SLC6A3: variants seen among roughly 807,000 people sequenced by gnomAD.
SLC6A3 encodes solute carrier family 6 member 3.
In SLC6A3, 19 loss-of-function variants were observed where a neutral mutation model predicts 70.4. The ratio of observed to expected loss-of-function variants is 0.27; its 90% CI spans 0.19 to 0.40. The LOEUF is 0.40. Ranked by LOEUF, SLC6A3 falls within the 10% of genes least tolerant of loss-of-function variation. SLC6A3 has a pLI of 1.00. For missense variants in SLC6A3, 613 were observed against 838.5 expected, an observed-to-expected ratio of 0.73 and a Z score of 3.32; for synonymous variants, 368 against 356.6, an observed-to-expected ratio of 1.03 and a Z score of -0.36.
Position 1,394,645 on chromosome 5 carries a change from C to T in SLC6A3, c.*90G>A. The stretch of plus-strand genomic sequence containing the variant: ...GTAGAGGTTGAAGAGTAGAAGTTGC[C>T]CTCCTTTCTCTCGAAACTTAGATTT... On this transcript the variant is annotated 3_prime_UTR_variant, in exon 15 of 15. Transcript: ENST00000270349. The surrounding 1 kb of genome is among the most constrained non-coding windows in gnomAD (Gnocchi z 4.7). 1 of 1,285,068 alleles carries T rather than the reference C, an allele frequency of 7.8e-7. No homozygotes were observed. Among genetic ancestry groups the T allele is most frequent in the South Asian group, 1.2e-5 (1 of 84,496 alleles). 79.6% of individuals were successfully genotyped at this position (1,285,068 alleles called of 1,614,324 possible). A position where few individuals can be genotyped will look rare whatever the true frequency, so the allele number is the denominator to read the frequency against.
rs968052188 is a variant in SLC6A3, at chr5:1,394,420, C to G, written c.*315G>C. On this transcript the variant is annotated 3_prime_UTR_variant, in exon 15 of 15. Transcript: ENST00000270349. The surrounding 1 kb of genome is among the most constrained non-coding windows in gnomAD (Gnocchi z 4.7). ...CAGCCTCAGAGCCGGGAGCAGGGAG[C>G]AGGGAGGGAGGGAGCCTCACACAGA... is the stretch of plus-strand genomic sequence containing the variant. The G allele has an allele frequency of 1.9e-6, 1 of 514,128 alleles. No homozygotes were observed. The highest frequency in any genetic ancestry group is 1.9e-5 in the African/African-American group (1 of 51,880). The allele number at this position is 514,128 out of a possible 1,614,324, so 31.8% of individuals were successfully genotyped here. A position where few individuals can be genotyped will look rare whatever the true frequency, so the allele number is the denominator to read the frequency against.
At position 1,421,161 on chromosome 5, in the gene SLC6A3, C is replaced by T. The variant is rs1017136070; in HGVS notation, c.793-458G>A. Among the ~76,000 whole-genome samples, 7 of 151,196 alleles carry T rather than the reference C, an allele frequency of 4.6e-5. No individual in the cohort carries two copies. Among genetic ancestry groups the T allele is most frequent in the African/African-American group, 7.3e-5 (3 of 41,176 alleles). On this transcript the variant is annotated intron_variant, in intron 5 of 14. Coordinates refer to ENST00000270349, the MANE Select transcript of SLC6A3 (RefSeq NM_001044.5). This position sits in a 1 kb window ranked among gnomAD's most constrained non-coding sequence, Gnocchi z 7.2. Reference sequence around the variant, plus strand: ...GTATCTTGGTCAAAACTGGTTTTGGCCCATATAACAACCAAAGTTTTTTTT... The same window carrying T: ...GTATCTTGGTCAAAACTGGTTTTGGTCCATATAACAACCAAAGTTTTTTTT...
chr5:1,422,995 C>T (rs1756487874), intron 4 of SLC6A3, among the ~76,000 whole-genome samples: 2 of 88,226 alleles, frequency 2.3e-5, no homozygotes, highest in African/African-American at 1.1e-4. Context: ...CTGCTGGGTA[C>T]CCACTGCTGC....
rs1274693370 is a variant in SLC6A3, at chr5:1,415,288, C to A, written c.1032-473G>T. Reference sequence around the variant, plus strand: ...GAGAAACCAGAGAGCTGGAGGCAAGCCGAGGACGAAGAGGGAGGGTCCTGG... The same window carrying A: ...GAGAAACCAGAGAGCTGGAGGCAAGACGAGGACGAAGAGGGAGGGTCCTGG... On this transcript the variant is annotated intron_variant, in intron 7 of 14. Coordinates refer to ENST00000270349, the MANE Select transcript of SLC6A3 (RefSeq NM_001044.5). 2.6e-5 allele frequency among the ~76,000 whole-genome samples: 4 copies of A among 152,040 alleles called. No individual in the cohort carries two copies. In the East Asian group the frequency reaches 5.8e-4, roughly 22 times the overall value.
chr5:1,445,386 C>G lies in SLC6A3; in HGVS notation c.-84G>C, dbSNP rs1023788158. ...CCTGGGCTTTGCACGCGAGTCCTGGCGCCGAGAGCGTTCCGCGAAGCCTCC... is the reference window on the plus strand; with the variant it reads ...CCTGGGCTTTGCACGCGAGTCCTGGGGCCGAGAGCGTTCCGCGAAGCCTCC... On this transcript the variant is annotated 5_prime_UTR_variant, in exon 1 of 15. Transcript: ENST00000270349. 6.3e-6 allele frequency: 1 copy of G among 157,546 alleles called. No homozygotes were observed. Among genetic ancestry groups the G allele is most frequent in the African/African-American group, 2.4e-5 (1 of 41,556 alleles). 9.8% of individuals were successfully genotyped at this position (157,546 alleles called of 1,614,324 possible).
rs980087490 is a variant in SLC6A3 at position 1,394,436 on chromosome 5, C to T, written c.*299G>A. On this transcript the variant is annotated 3_prime_UTR_variant, in exon 15 of 15. Transcript: ENST00000270349. This position sits in a 1 kb window ranked among gnomAD's most constrained non-coding sequence, Gnocchi z 4.7. Reference sequence around the variant, plus strand: ...AGCAGGGAGCAGGGAGGGAGGGAGCCTCACACAGACAGCATGAAGTTAGAC... The same window carrying T: ...AGCAGGGAGCAGGGAGGGAGGGAGCTTCACACAGACAGCATGAAGTTAGAC... 3 of 547,386 alleles carry T rather than the reference C, an allele frequency of 5.5e-6. No individual in the cohort carries two copies. Among genetic ancestry groups the T allele is most frequent in the African/African-American group, 1.9e-5 (1 of 52,636 alleles). The allele number at this position is 547,386 out of a possible 1,614,324, so 33.9% of individuals were successfully genotyped here. A position where few individuals can be genotyped will look rare whatever the true frequency, so the allele number is the denominator to read the frequency against.
intron 6 of SLC6A3, among the ~76,000 whole-genome samples, chr5:1,418,770 GCTAC>G (rs1427695822): frequency 7.0e-6 from 1 of 143,508 alleles, no homozygotes; most frequent in Non-Finnish European, 1.5e-5. Context: ...ATGCTGTCCA[GCTAC>G]CTACCTATCA....
chr5:1,406,105 T>C lies in SLC6A3; in HGVS notation c.1599+83A>G. On this transcript the variant is annotated intron_variant, in intron 12 of 14. Transcript: ENST00000270349. The surrounding 1 kb of genome is among the most constrained non-coding windows in gnomAD (Gnocchi z 8.8). ...ACTCCAGCCACAGTGACAACCCACA[T>C]GCGGGCGCTGGACCTCGGGGCAGGT... 1 of 971,272 alleles carries C rather than the reference T, an allele frequency of 1.0e-6. No homozygotes were observed. The highest frequency in any genetic ancestry group is 1.7e-6 in the Non-Finnish European group (1 of 596,480). 60.2% of individuals were successfully genotyped at this position (971,272 alleles called of 1,614,324 possible). A position where few individuals can be genotyped will look rare whatever the true frequency, so the allele number is the denominator to read the frequency against.
At chr5:1,418,875 C>T (rs1449928019) in intron 6 of SLC6A3, among the ~76,000 whole-genome samples, 1 of 151,406 alleles carries the variant, frequency 6.6e-6, no homozygotes, top group South Asian at 2.1e-4. Context: ...TCCATCCATC[C>T]ATCCTATCTA....
At chr5:1,398,027 G>A (rs1755762953) in intron 14 of SLC6A3, among the ~76,000 whole-genome samples, 1 of 152,186 alleles carries the variant, frequency 6.6e-6, no homozygotes, top group Non-Finnish European at 1.5e-5. Flanking sequence ...TAGAGTTTAA[G>A]TGAAATATGT....
rs1755717234 is a variant in SLC6A3, at chr5:1,396,285, A to G, written c.1840-1527T>C. Among the ~76,000 whole-genome samples the G allele has an allele frequency of 6.6e-6, 1 of 152,212 alleles. No individual in the cohort carries two copies. Among genetic ancestry groups the G allele is most frequent in the Non-Finnish European group, 1.5e-5 (1 of 68,034 alleles). On this transcript the variant is annotated intron_variant, in intron 14 of 14. Coordinates refer to ENST00000270349, the MANE Select transcript of SLC6A3 (RefSeq NM_001044.5). This position sits in a 1 kb window ranked among gnomAD's most constrained non-coding sequence, Gnocchi z 7.0. ...CAAACATTTCTGACCTAGATGGAAT[A>G]ATAGGGATCGAATTTACCCTACTGT...
At chr5:1,441,283 G>T in intron 3 of SLC6A3, 76 bp downstream of exon 3, 12 of 1,586,112 alleles carry the variant, frequency 7.6e-6, no homozygotes, top group Non-Finnish European at 1.0e-5. Flanking sequence ...TGATGCGGCT[G>T]GCTTGCTTTG....
chr5:1,437,990 T>C lies in SLC6A3; in HGVS notation c.418+3369A>G, dbSNP rs1048955. Among the ~76,000 whole-genome samples, 42,760 of 152,126 alleles carry C rather than the reference T, an allele frequency of 0.28. 7,471 individuals carry two copies. Among genetic ancestry groups the C allele is most frequent in the Non-Finnish European group, 0.41 (27,586 of 67,968 alleles). ...CGGGGGTGCATGGTGTACATCTGATTTCATAAGCAATGTCAGTCTCCTCTA... is the reference window on the plus strand; with the variant it reads ...CGGGGGTGCATGGTGTACATCTGATCTCATAAGCAATGTCAGTCTCCTCTA... On this transcript the variant is annotated intron_variant, in intron 3 of 14. Transcript: ENST00000270349. This position sits in a 1 kb window ranked among gnomAD's most constrained non-coding sequence, Gnocchi z 4.8.
chr5:1,394,811 A>C lies in SLC6A3; in HGVS notation c.1840-53T>G. 1.2e-6 allele frequency: 2 copies of C among 1,603,372 alleles called. No homozygotes were observed. Among genetic ancestry groups the C allele is most frequent in the Non-Finnish European group, 1.7e-6 (2 of 1,172,214 alleles). ...ACCCTGGGGCGATGCCCCATTTAAG[A>C]GCAGCTGAAGGTGGCTAAGAGCAGC... On this transcript the variant is annotated intron_variant, in intron 14 of 14. Transcript: ENST00000270349. The surrounding 1 kb of genome is among the most constrained non-coding windows in gnomAD (Gnocchi z 4.7).
intron 4 of SLC6A3, among the ~76,000 whole-genome samples, chr5:1,431,105 G>T (rs1440562528): frequency 1.3e-5 from 2 of 152,260 alleles, no homozygotes; most frequent in Admixed American, 6.5e-5. Context: ...GAGTCGAAGA[G>T]TCCGCCTGTC....
At chr5:1,399,568 G>C (rs984605964) in intron 14 of SLC6A3, among the ~76,000 whole-genome samples, 6 of 152,200 alleles carry the variant, frequency 3.9e-5, no homozygotes, top group African/African-American at 1.4e-4. Flanking sequence ...TGTACAAAGT[G>C]TAAGACCCCC....
rs984399597 is a variant in SLC6A3, at chr5:1,397,057, C to T, written c.1840-2299G>A. ...CCACATGTGGATTAATGATAAGATGCGTTACTCAACTGTGCACCTAAGATT... is the reference window on the plus strand; with the variant it reads ...CCACATGTGGATTAATGATAAGATGTGTTACTCAACTGTGCACCTAAGATT... On this transcript the variant is annotated intron_variant, in intron 14 of 14. Transcript: ENST00000270349. The surrounding 1 kb of genome is among the most constrained non-coding windows in gnomAD (Gnocchi z 4.7). 3.3e-5 allele frequency among the ~76,000 whole-genome samples: 5 copies of T among 152,202 alleles called. No homozygotes were observed. Among genetic ancestry groups the T allele is most frequent in the Non-Finnish European group, 5.9e-5 (4 of 68,002 alleles).
Position 1,401,034 on chromosome 5 carries a change from G to T in SLC6A3, c.1768-48C>A. ...GGGTCAGTGCAGACCAGTACCCACT[G>T]CCAGCACCCACCACTGACTCACACT... On this transcript the variant is annotated intron_variant, in intron 13 of 14. Transcript: ENST00000270349. The surrounding 1 kb of genome is among the most constrained non-coding windows in gnomAD (Gnocchi z 6.1). 7.1e-7 allele frequency: 1 copy of T among 1,404,222 alleles called. No homozygotes were observed. The highest frequency in any genetic ancestry group is 9.9e-7 in the Non-Finnish European group (1 of 1,008,080). The allele number at this position is 1,404,222 out of a possible 1,614,324, so 87.0% of individuals were successfully genotyped here. A position where few individuals can be genotyped will look rare whatever the true frequency, so the allele number is the denominator to read the frequency against.
chr5:1,439,316 T>TGTGGG lies in SLC6A3; in HGVS notation c.418+2038_418+2042dup, dbSNP rs1312271765. Reference sequence around the variant, plus strand: ...ATCTGTCTCTCACTCTGAAGATGTGTGTGGGGTGGGGGTGGGGGTGGGGGT... The same window carrying TGTGGG: ...ATCTGTCTCTCACTCTGAAGATGTGTGTGGGGTGGGGTGGGGGTGGGGGTGGGGGT... On this transcript the variant is annotated intron_variant, in intron 3 of 14. Coordinates refer to ENST00000270349, the MANE Select transcript of SLC6A3 (RefSeq NM_001044.5). 2.3e-4 allele frequency among the ~76,000 whole-genome samples: 5 copies of TGTGGG among 22,216 alleles called. No individual in the cohort carries two copies. The South Asian group carries it at 4.5e-3, about 20-fold the overall frequency. 14.6% of individuals were successfully genotyped at this position (22,216 alleles called of 152,430 possible).
Sources: gnomAD v4.1 joint callset for allele counts (sites outside exome capture counted in the v4.1 genomes callset) on GRCh38, gnomAD v4.1.1 for gene constraint, Gnocchi (gnomAD v3.1) non-coding constraint, MANE v1.5 for transcripts, NCBI Gene and HGNC (gene_info 2026-07-23, HGNC 2026-07-21) for gene names.